CSNK2A2IP: variants seen among roughly 807,000 people sequenced by gnomAD.
CSNK2A2IP encodes the protein casein kinase 2 subunit alpha' interacting protein, also known as casein kinase II subunit alpha'-interacting protein.
the CSNK2A2IP span, among the ~76,000 whole-genome samples, chr3:88,403,144 A>G: frequency 1.3e-4 from 19 of 151,996 alleles, no homozygotes; most frequent in Non-Finnish European, 2.8e-4. Flanking sequence ...ATTCTTACCT[A>G]GATTGTATGC....
the CSNK2A2IP span, among the ~76,000 whole-genome samples, chr3:88,437,031 C>T: frequency 6.6e-6 from 1 of 152,136 alleles, no homozygotes; most frequent in Non-Finnish European, 1.5e-5. Context: ...GTCCAGTATG[C>T]TTGAAATTCC....
chr3:88,342,851 T>C, the CSNK2A2IP span, among the ~76,000 whole-genome samples: 3 of 151,998 alleles, frequency 2.0e-5, no homozygotes, highest in Non-Finnish European at 4.4e-5. Flanking sequence ...ACACATAGCA[T>C]AGTTACTTAT....
chr3:88,376,307 T>A, the CSNK2A2IP span, among the ~76,000 whole-genome samples: 1 of 151,758 alleles, frequency 6.6e-6, no homozygotes, highest in African/African-American at 2.4e-5. Flanking sequence ...TTCCGTATAG[T>A]CAGCTCTAGA....
At chr3:88,362,585 GTAC>G in the CSNK2A2IP span, among the ~76,000 whole-genome samples, 2 of 152,326 alleles carry the variant, frequency 1.3e-5, no homozygotes, top group South Asian at 4.1e-4. Context: ...GACCAGCACA[GTAC>G]TGGGGCTTGC....
chr3:88,411,881 G>T, the CSNK2A2IP span, among the ~76,000 whole-genome samples: 3 of 150,724 alleles, frequency 2.0e-5, no homozygotes, highest in Non-Finnish European at 4.4e-5. Context: ...TTTTAGAAAG[G>T]TCAGCTTGAA....
chr3:88,467,088 G>A, the CSNK2A2IP span: 1 of 704,918 alleles, frequency 1.4e-6, no homozygotes, highest in African/African-American at 1.9e-5. Flanking sequence ...AAATATGGTG[G>A]GCGGTAGCCC....
chr3:88,390,437 T>C, the CSNK2A2IP span, among the ~76,000 whole-genome samples: 5 of 152,220 alleles, frequency 3.3e-5, no homozygotes, highest in East Asian at 7.7e-4. Flanking sequence ...ATGGCATGTA[T>C]AGGAAACAAA....
chr3:88,404,219 T>G, the CSNK2A2IP span, among the ~76,000 whole-genome samples: 1 of 152,112 alleles, frequency 6.6e-6, no homozygotes, highest in Non-Finnish European at 1.5e-5. Flanking sequence ...GGGCTGCTAG[T>G]AGACAGAGTC....
the CSNK2A2IP span, among the ~76,000 whole-genome samples, chr3:88,446,547 A>G: frequency 2.6e-5 from 4 of 152,152 alleles, no homozygotes; most frequent in Admixed American, 2.0e-4. Flanking sequence ...AGAGTTAGTT[A>G]CTGCCACAGT....
the CSNK2A2IP span, among the ~76,000 whole-genome samples, chr3:88,408,802 T>TA: frequency 6.6e-6 from 1 of 151,976 alleles, no homozygotes. Flanking sequence ...TTTGAGTACC[T>TA]AACAAGTTAA....
chr3:88,430,868 A>G, the CSNK2A2IP span, among the ~76,000 whole-genome samples: 1 of 152,116 alleles, frequency 6.6e-6, no homozygotes, highest in South Asian at 2.1e-4. Context: ...GCAGATCTTC[A>G]AGGATTAAGA....
At chr3:88,344,675 A>G in the CSNK2A2IP span, among the ~76,000 whole-genome samples, 3 of 151,962 alleles carry the variant, frequency 2.0e-5, no homozygotes, top group Non-Finnish European at 4.4e-5. Flanking sequence ...TCCATTGGAA[A>G]GATCTCTGTT....
At chr3:88,449,820 G>GACACACACACACACACACAC in the CSNK2A2IP span, among the ~76,000 whole-genome samples, 6 of 47,140 alleles carry the variant, frequency 1.3e-4, no homozygotes, top group East Asian at 2.0e-3. Flanking sequence ...TTTATATCGA[G>GACACACACACACACACACAC]ACACACACAC....
At chr3:88,389,722 G>T in the CSNK2A2IP span, among the ~76,000 whole-genome samples, 1 of 151,956 alleles carries the variant, frequency 6.6e-6, no homozygotes, top group Non-Finnish European at 1.5e-5. Flanking sequence ...AGGAGAGGTT[G>T]GATTCTGAAT....
At chr3:88,359,243 A>G in the CSNK2A2IP span, among the ~76,000 whole-genome samples, 1 of 149,910 alleles carries the variant, frequency 6.7e-6, no homozygotes, top group Non-Finnish European at 1.5e-5. Flanking sequence ...CTCTTTTTTC[A>G]CCTCTAGTTT....
At chr3:88,388,435 G>A in the CSNK2A2IP span, among the ~76,000 whole-genome samples, 1 of 152,190 alleles carries the variant, frequency 6.6e-6, no homozygotes, top group Non-Finnish European at 1.5e-5. Flanking sequence ...AAAATGTAGT[G>A]TCAAAATGTT....
At chr3:88,428,557 T>A in the CSNK2A2IP span, among the ~76,000 whole-genome samples, 1 of 152,148 alleles carries the variant, frequency 6.6e-6, no homozygotes, top group East Asian at 1.9e-4. Context: ...TGGAGGTAAT[T>A]TAATCATGGG....
the CSNK2A2IP span, among the ~76,000 whole-genome samples, chr3:88,353,449 C>T: frequency 6.6e-6 from 1 of 152,186 alleles, no homozygotes; most frequent in African/African-American, 2.4e-5. Context: ...TTTAATTGCT[C>T]GTGCCTGACT....
At chr3:88,382,398 C>CAATA in the CSNK2A2IP span, among the ~76,000 whole-genome samples, 1 of 152,104 alleles carries the variant, frequency 6.6e-6, no homozygotes, top group Non-Finnish European at 1.5e-5. Flanking sequence ...CAGAAGCTGC[C>CAATA]AATAGATGGG....
Sources: gnomAD v4.1 joint callset for allele counts (sites outside exome capture counted in the v4.1 genomes callset) on GRCh38, gnomAD v4.1.1 for gene constraint, MANE v1.5 for transcripts, NCBI Gene and HGNC (gene_info 2026-07-23, HGNC 2026-07-21) for gene names.